The following CLCA2 variants were observed in gnomAD, a reference collection of about 807,000 sequenced individuals.
The protein encoded by CLCA2 is chloride channel accessory 2, also known as calcium-activated chloride channel regulator 2.
Under a neutral mutation model 82.9 loss-of-function variants are expected in CLCA2, and 85 were observed. The ratio of observed to expected loss-of-function variants is 1.03; its 90% CI spans 0.86 to 1.23. The LOEUF (loss-of-function observed/expected upper bound fraction) is 1.23, where lower values mean the gene tolerates loss of function less well. CLCA2 is among the 50% of genes most tolerant of loss of function. The pLI is 0.00. For synonymous variants in CLCA2, 421 were observed against 391.7 expected (o/e 1.07, Z -0.88); for missense variants, 1,089 against 1,124.8 (o/e 0.97, Z 0.45).
At chr1:86,434,094 G>A (rs1215772750) in intron 5 of CLCA2, among the ~76,000 whole-genome samples, 1 of 152,108 alleles carries the variant, frequency 6.6e-6, no homozygotes, top group Non-Finnish European at 1.5e-5. Flanking sequence ...TATGTTGACT[G>A]ATCAACAAAT....
rs1229456793 is a variant in CLCA2, at chr1:86,455,116, T to G, written c.2421T>G (p.Ser807Arg). 1 of 1,592,358 alleles carries G rather than the reference T, an allele frequency of 6.3e-7. No homozygotes were observed. The highest frequency in any genetic ancestry group is 1.3e-5 in the African/African-American group (1 of 74,312). ...ATSYEIRMSK[S>R]LQNIQDDFNN... ...GCTATGAAATAAGAATGAGTAAAAG[T>G]CTACAGAATATCCAAGATGACTTTA... Residue 807 changes from serine to arginine, a missense_variant, in exon 14 of 14, where the codon AGT becomes AGG. Transcript: ENST00000370565.
chr1:86,450,409 T>A (rs901784805), intron 11 of CLCA2, among the ~76,000 whole-genome samples, 154 bp from the exon 12 acceptor site: 6 of 152,170 alleles, frequency 3.9e-5, no homozygotes, highest in Admixed American at 3.9e-4. Flanking sequence ...ACCCATTGGA[T>A]TTTTTATCAC....
chr1:86,432,634 G>A, intron 5 of CLCA2, 106 bp downstream of exon 5: 1 of 1,306,438 alleles, frequency 7.7e-7, no homozygotes, highest in Non-Finnish European at 1.0e-6. Context: ...TTTAGAACTT[G>A]GGGGACCCTA....
At chr1:86,442,860 T>A (rs1662765006) in intron 9 of CLCA2, among the ~76,000 whole-genome samples, 2 of 152,200 alleles carry the variant, frequency 1.3e-5, no homozygotes, top group Non-Finnish European at 2.9e-5. Flanking sequence ...TCTCTAAGCC[T>A]ACTCTTCCCA....
intron 6 of CLCA2, among the ~76,000 whole-genome samples, chr1:86,436,303 T>C (rs1662608418): frequency 6.6e-6 from 1 of 152,150 alleles, no homozygotes; most frequent in Non-Finnish European, 1.5e-5. Context: ...TGGAAGAGTA[T>C]TTACCCCGCA....
rs146963191 is a variant in CLCA2, at chr1:86,446,251, G to A, written c.1714-1257G>A. 7.5e-5 allele frequency among the ~76,000 whole-genome samples: 10 copies of A among 132,498 alleles called. No homozygotes were observed. The East Asian group carries it at 1.5e-3, about 20-fold the overall frequency. 86.9% of individuals were successfully genotyped at this position (132,498 alleles called of 152,430 possible). On this transcript the variant is annotated intron_variant, in intron 10 of 13. Coordinates refer to ENST00000370565, the MANE Select transcript of CLCA2 (RefSeq NM_006536.7). ...TTTTTTTTTTTTTTGATGGAGTCTC[G>A]CTCTGTCACCAGGCCCAAGTGGTAA...
At chr1:86,431,968 T>C (rs945729039) in intron 4 of CLCA2, among the ~76,000 whole-genome samples, 1 of 152,196 alleles carries the variant, frequency 6.6e-6, no homozygotes, top group Non-Finnish European at 1.5e-5. Flanking sequence ...GGAGTTTCGC[T>C]CCTGTCGCCC....
chr1:86,453,105 G>A (rs912763794), intron 12 of CLCA2, among the ~76,000 whole-genome samples: 3 of 152,056 alleles, frequency 2.0e-5, no homozygotes, highest in Admixed American at 6.5e-5. Context: ...CCTGGGAGGC[G>A]GAGGTTGCAG....
intron 13 of CLCA2, among the ~76,000 whole-genome samples, 164 bp downstream of exon 13, chr1:86,453,766 T>C (rs907575205): frequency 2.8e-4 from 42 of 152,182 alleles, no homozygotes; most frequent in African/African-American, 1.0e-3. Flanking sequence ...GTGTGTTGCC[T>C]ACCCCTGGAA....
rs368502261 is a variant in CLCA2, at chr1:86,434,540, G to A, written c.767G>A (p.Ser256Asn). The A allele has an allele frequency of 1.2e-6, 2 of 1,613,874 alleles. No homozygotes were observed. Among genetic ancestry groups the A allele is most frequent in the African/African-American group, 2.7e-5 (2 of 74,888 alleles). Residue 256 changes from serine (S) to asparagine (N), a missense_variant, in exon 6 of 14, where the codon AGT becomes AAT. Coordinates refer to ENST00000370565, the MANE Select transcript of CLCA2 (RefSeq NM_006536.7). Reference protein sequence around the residue: ...LSSVVEFCNASTHNQEAPNLQ... With the variant: ...LSSVVEFCNANTHNQEAPNLQ... ...CAGGTGGTTGAATTTTGTAATGCAA[G>A]TACCCACAACCAAGAAGCACCAAAC... is the stretch of plus-strand genomic sequence containing the variant.
At chr1:86,439,282 C>T (rs1342663766) in intron 7 of CLCA2, among the ~76,000 whole-genome samples, 176 bp downstream of exon 7, 1 of 152,218 alleles carries the variant, frequency 6.6e-6, no homozygotes, top group Admixed American at 6.5e-5. Context: ...CACCATTGTA[C>T]TCCTTGTGCC....
At chr1:86,433,100 G>A (rs1226708987) in intron 5 of CLCA2, among the ~76,000 whole-genome samples, 2 of 152,156 alleles carry the variant, frequency 1.3e-5, no homozygotes, top group Non-Finnish European at 2.9e-5. Context: ...TCTGTCATGG[G>A]CATCTCATAC....
chr1:86,448,942 A>G (rs1388553578), intron 11 of CLCA2, among the ~76,000 whole-genome samples: 1 of 152,030 alleles, frequency 6.6e-6, no homozygotes, highest in Non-Finnish European at 1.5e-5. Flanking sequence ...AACAGAGCCT[A>G]CTCCCCTAGG....
chr1:86,424,713 G>T (rs1366447593), intron 1 of CLCA2, among the ~76,000 whole-genome samples: 1 of 151,920 alleles, frequency 6.6e-6, no homozygotes, highest in African/African-American at 2.4e-5. Context: ...CTGTTTTTGG[G>T]GTAGCAACTT....
rs767690918 is a variant in CLCA2, at chr1:86,432,398, T to C, written c.614T>C (p.Val205Ala). The C allele has an allele frequency of 8.3e-5, 134 of 1,613,866 alleles. No individual in the cohort carries two copies. The highest frequency in any genetic ancestry group is 1.1e-4 in the Non-Finnish European group (133 of 1,179,988). ...RCSSDITGIF[V>A]CEKGPCPQEN... ...TCATCTGACATCACAGGCATTTTTG[T>C]GTGTGAAAAAGGTCCTTGCCCCCAA... is the stretch of plus-strand genomic sequence containing the variant. Residue 205 changes from valine to alanine, a missense_variant, in exon 5 of 14, where the codon GTG (valine) becomes GCG (alanine). Physicochemically the swap from Val to Ala is moderately conservative, Grantham distance 64. Transcript: ENST00000370565.
chr1:86,450,043 G>C (rs1662931969), intron 11 of CLCA2, among the ~76,000 whole-genome samples: 1 of 152,066 alleles, frequency 6.6e-6, no homozygotes, highest in Non-Finnish European at 1.5e-5. Context: ...CTCTAATGAG[G>C]AAATTAAGTA....
chr1:86,444,794 G>T (rs549655283), intron 10 of CLCA2, among the ~76,000 whole-genome samples: 19 of 152,176 alleles, frequency 1.2e-4, no homozygotes, highest in Non-Finnish European at 2.6e-4. Context: ...ACCACTGATG[G>T]TTCTAAGGAG....
chr1:86,437,508 T>C (rs1403055810), intron 6 of CLCA2, among the ~76,000 whole-genome samples: 1 of 151,990 alleles, frequency 6.6e-6, no homozygotes, highest in African/African-American at 2.4e-5. Flanking sequence ...CTAGGTTGGG[T>C]GATGTAAGGA....
At chr1:86,446,074 G>T (rs1662847421) in intron 10 of CLCA2, among the ~76,000 whole-genome samples, 1 of 152,130 alleles carries the variant, frequency 6.6e-6, no homozygotes, top group Admixed American at 6.5e-5. Flanking sequence ...CAGGTCTTCA[G>T]TATAGAGGAT....
Sources: allele counts gnomAD v4.1 joint callset (sites outside exome capture counted in the v4.1 genomes callset), GRCh38; gene constraint gnomAD v4.1.1; transcripts MANE v1.5; gene names NCBI Gene and HGNC (gene_info 2026-07-23, HGNC 2026-07-21).